Variants in PDGFD observed in about 807,000 individuals in gnomAD.
PDGFD encodes the protein platelet-derived growth factor D.
In PDGFD, 30 loss-of-function variants were observed where a neutral mutation model predicts 44.7. That is an observed-to-expected ratio of 0.67 (90% CI 0.50 to 0.91). The LOEUF (loss-of-function observed/expected upper bound fraction) is 0.91. PDGFD is among the 40% of genes least tolerant of loss of function. The pLI is 0.00. For missense variants in PDGFD, 445 were observed against 457.8 expected (o/e 0.97, Z 0.25); for synonymous variants, 173 against 168.4 (o/e 1.03, Z -0.21).
rs768117231 is a variant in PDGFD at position 104,000,147 on chromosome 11, A to T, written c.233T>A (p.Leu78His). 1.2e-6 allele frequency: 2 copies of T among 1,614,062 alleles called. No homozygotes were observed. The highest frequency in any genetic ancestry group is 1.7e-6 in the Non-Finnish European group (2 of 1,179,982). ...CTGAGAGTGAAGCCGCCATGTCAGG[A>T]GCAGGTTCCTGGGGTAGCTGTTCGG... Reference protein sequence around the residue: ...RFPNSYPRNLLLTWRLHSQEN... With the variant: ...RFPNSYPRNLHLTWRLHSQEN... Residue 78 changes from leucine (L) to histidine (H), a missense_variant, in exon 2 of 7, where the codon CTC (leucine) becomes CAC (histidine). Transcript: ENST00000393158.
At chr11:103,972,581 G>C (rs1305847646) in intron 3 of PDGFD, among the ~76,000 whole-genome samples, 1 of 152,074 alleles carries the variant, frequency 6.6e-6, no homozygotes, top group Non-Finnish European at 1.5e-5. Flanking sequence ...TCAGTTTTGT[G>C]AGCTTCAACA....
chr11:104,154,573 G>T (rs1255505870), intron 1 of PDGFD, among the ~76,000 whole-genome samples: 2 of 152,166 alleles, frequency 1.3e-5, no homozygotes, highest in Admixed American at 6.5e-5. Context: ...ATGGTAAAGT[G>T]AAGAGAAACA....
chr11:104,163,853 C>CG lies in PDGFD; in HGVS notation c.74dup (p.Gln26AlafsTer17). 6.3e-7 allele frequency: 1 copy of CG among 1,575,354 alleles called. No homozygotes were observed. Among genetic ancestry groups the CG allele is most frequent in the East Asian group, 2.3e-5 (1 of 43,960 alleles). ...GCAAAGCTTTGATGGATGCGCTCTG[C>CG]GGGGTTGCAGAAGTGTCCCGACAGC... On this transcript the variant is annotated frameshift_variant, in exon 1 of 7. Transcript: ENST00000393158. LOFTEE classifies it high-confidence loss of function.
intron 5 of PDGFD, among the ~76,000 whole-genome samples, chr11:103,933,280 C>T (rs916272867): frequency 2.6e-5 from 4 of 152,126 alleles, no homozygotes; most frequent in Non-Finnish European, 4.4e-5. Flanking sequence ...CATAAGTTCA[C>T]CAGGAGTCTT....
At chr11:104,149,713 G>A (rs774004262) in intron 1 of PDGFD, among the ~76,000 whole-genome samples, 11 of 151,970 alleles carry the variant, frequency 7.2e-5, no homozygotes, top group African/African-American at 2.2e-4. Context: ...ATTTCAACCC[G>A]TTTATTCCAG....
At chr11:103,925,292 T>A (rs1469753740) in intron 6 of PDGFD, among the ~76,000 whole-genome samples, 2 of 152,344 alleles carry the variant, frequency 1.3e-5, no homozygotes, top group African/African-American at 2.4e-5. Flanking sequence ...TATAGCAGAA[T>A]GATCTATAAT....
intron 3 of PDGFD, among the ~76,000 whole-genome samples, chr11:103,963,995 G>T (rs1181096151): frequency 1.3e-5 from 2 of 152,010 alleles, no homozygotes; most frequent in African/African-American, 2.4e-5. Context: ...TTTCAACTTA[G>T]AGGTACTGTG....
In PDGFD at chr11:103,961,329, T is replaced by C. The variant is rs528584860; in HGVS notation, c.511-13605A>G. ...ATGAATAAATGAATAATCCAATCTA[T>C]AGAAATAAATGCTCTACTGGGGCCA... On this transcript the variant is annotated intron_variant, in intron 3 of 6. Transcript: ENST00000393158. Among the ~76,000 whole-genome samples the C allele has an allele frequency of 1.8e-4, 27 of 152,282 alleles. 1 individual carries two copies. The highest frequency in any genetic ancestry group is 6.5e-4 in the African/African-American group (27 of 41,572).
At chr11:103,950,090 C>T (rs767663128) in intron 3 of PDGFD, among the ~76,000 whole-genome samples, 34 of 152,112 alleles carry the variant, frequency 2.2e-4, no homozygotes, top group Admixed American at 4.6e-4. Flanking sequence ...GAATGGACCA[C>T]ATGTGACCTT....
intron 1 of PDGFD, among the ~76,000 whole-genome samples, chr11:104,091,413 T>C (rs2134437328): frequency 6.6e-6 from 1 of 152,314 alleles, no homozygotes; most frequent in South Asian, 2.1e-4. Flanking sequence ...TCTCTCTACT[T>C]CTGCATTAAC....
chr11:104,105,245 G>T (rs1261061396), intron 1 of PDGFD, among the ~76,000 whole-genome samples: 1 of 152,142 alleles, frequency 6.6e-6, no homozygotes, highest in Non-Finnish European at 1.5e-5. Flanking sequence ...ATTTGTAGCT[G>T]AGCAAGAAGG....
chr11:104,021,678 T>A (rs1371383286), intron 1 of PDGFD, among the ~76,000 whole-genome samples: 1 of 152,182 alleles, frequency 6.6e-6, no homozygotes, highest in African/African-American at 2.4e-5. Flanking sequence ...TGTAGGCCTG[T>A]CAAACTCGAC....
At chr11:104,153,856 A>G (rs940303650) in intron 1 of PDGFD, among the ~76,000 whole-genome samples, 1 of 152,138 alleles carries the variant, frequency 6.6e-6, no homozygotes, top group Non-Finnish European at 1.5e-5. Context: ...AATTGACACT[A>G]GATAAAGATC....
intron 1 of PDGFD, among the ~76,000 whole-genome samples, chr11:104,105,275 GC>G (rs896987974): frequency 1.3e-5 from 2 of 152,078 alleles, no homozygotes; most frequent in East Asian, 3.9e-4. Context: ...CTAAAATTAT[GC>G]CCCAAAATTC....
intron 1 of PDGFD, among the ~76,000 whole-genome samples, chr11:104,065,410 T>C (rs1040637649): frequency 3.3e-5 from 5 of 152,190 alleles, no homozygotes; most frequent in African/African-American, 1.2e-4. Flanking sequence ...TACTAAAGGT[T>C]TGGATTTTCT....
chr11:103,914,022 G>A (rs1375117426), intron 6 of PDGFD, among the ~76,000 whole-genome samples: 3 of 152,084 alleles, frequency 2.0e-5, no homozygotes, highest in Non-Finnish European at 4.4e-5. Context: ...TAGGGGTCAG[G>A]GGGCAACTTG....
At chr11:104,128,542 C>T (rs985306262) in intron 1 of PDGFD, among the ~76,000 whole-genome samples, 3 of 152,066 alleles carry the variant, frequency 2.0e-5, no homozygotes, top group Non-Finnish European at 2.9e-5. Context: ...TGCATGATTG[C>T]GTGTGTATTT....
chr11:104,066,037 T>A (rs1214334121), intron 1 of PDGFD, among the ~76,000 whole-genome samples: 2 of 152,230 alleles, frequency 1.3e-5, no homozygotes, highest in African/African-American at 4.8e-5. Context: ...TGGTGTCATA[T>A]ATACAAATTG....
At chr11:103,993,871 A>T (rs1859495319) in intron 3 of PDGFD, among the ~76,000 whole-genome samples, 1 of 152,194 alleles carries the variant, frequency 6.6e-6, no homozygotes, top group African/African-American at 2.4e-5. Context: ...TTCTCAATGG[A>T]CACAGACCAA....
Sources: allele counts gnomAD v4.1 joint callset (sites outside exome capture counted in the v4.1 genomes callset), GRCh38; gene constraint gnomAD v4.1.1; transcripts MANE v1.5; gene names NCBI Gene and HGNC (gene_info 2026-07-23, HGNC 2026-07-21).